Variants in CSGALNACT1 observed in about 807,000 individuals in gnomAD.
CSGALNACT1 encodes chondroitin sulfate N-acetylgalactosaminyltransferase 1.
A neutral mutation model predicts 51.0 loss-of-function variants in CSGALNACT1; 52 were observed. The observed-to-expected ratio is 1.02, with a 90% CI of 0.82 to 1.29. CSGALNACT1 has a LOEUF of 1.29. Among genes scored for constraint, CSGALNACT1 ranks in the 50% most tolerant of loss-of-function variants. CSGALNACT1 has a pLI of 0.00. For missense variants in CSGALNACT1, 935 were observed against 679.2 expected, an observed-to-expected ratio of 1.38 and a Z score of -4.19; for synonymous variants, 341 against 254.4, an observed-to-expected ratio of 1.34 and a Z score of -3.24.
chr8:19,704,900 C>T (rs181737214), intron 1 of CSGALNACT1, among the ~76,000 whole-genome samples: 1 of 152,272 alleles, frequency 6.6e-6, no homozygotes, highest in Admixed American at 6.5e-5. Context: ...AAGTTGAACT[C>T]AAACAGACTA....
chr8:19,447,293 AGCTGGGGGACTGGTATG>A (rs2062301549), intron 5 of CSGALNACT1, among the ~76,000 whole-genome samples: 1 of 152,168 alleles, frequency 6.6e-6, no homozygotes, highest in South Asian at 2.1e-4. Context: ...CCCACTACAA[AGCTGGGGGACTGGTATG>A]GCCAGGTGGA....
intron 3 of CSGALNACT1, among the ~76,000 whole-genome samples, chr8:19,532,444 T>C (rs2082953864): frequency 1.3e-5 from 2 of 152,334 alleles, no homozygotes; most frequent in Admixed American, 6.5e-5. Context: ...TCTTCTCTTT[T>C]CTATTCCCTT....
intron 1 of CSGALNACT1, among the ~76,000 whole-genome samples, chr8:19,747,371 C>T (rs1230993218): frequency 6.6e-6 from 1 of 152,172 alleles, no homozygotes; most frequent in Non-Finnish European, 1.5e-5. Flanking sequence ...CTGTTATCCA[C>T]ACTAATAATG....
At chr8:19,439,169 A>G (rs952075978) in intron 6 of CSGALNACT1, among the ~76,000 whole-genome samples, 4 of 152,240 alleles carry the variant, frequency 2.6e-5, no homozygotes, top group Admixed American at 6.5e-5. Flanking sequence ...ATTTATTTTT[A>G]TAGGGAAAAA....
At chr8:19,479,477 CATT>C (rs1396866252) in intron 4 of CSGALNACT1, among the ~76,000 whole-genome samples, 2 of 152,132 alleles carry the variant, frequency 1.3e-5, no homozygotes, top group African/African-American at 4.8e-5. Flanking sequence ...CTTTTTCTTT[CATT>C]ATTATTATCA....
chr8:19,419,286 G>A (rs1463655899), intron 7 of CSGALNACT1, among the ~76,000 whole-genome samples: 2 of 152,222 alleles, frequency 1.3e-5, no homozygotes, highest in African/African-American at 4.8e-5. Flanking sequence ...GACAGACCAT[G>A]ACCAAGCACT....
intron 4 of CSGALNACT1, among the ~76,000 whole-genome samples, chr8:19,465,980 A>G (rs1258260769): frequency 6.6e-6 from 1 of 152,242 alleles, no homozygotes; most frequent in Non-Finnish European, 1.5e-5. Flanking sequence ...TAAAGTCTGT[A>G]GCAAAACTCA....
intron 1 of CSGALNACT1, among the ~76,000 whole-genome samples, chr8:19,614,098 T>C (rs997570411): frequency 1.3e-5 from 2 of 152,250 alleles, no homozygotes; most frequent in Non-Finnish European, 2.9e-5. Flanking sequence ...CTTTTAGTTC[T>C]TTGAAATCTG....
intron 3 of CSGALNACT1, among the ~76,000 whole-genome samples, chr8:19,559,463 AATT>A (rs551749400): frequency 2.6e-5 from 4 of 152,148 alleles, no homozygotes; most frequent in African/African-American, 4.8e-5. Context: ...TTCAACATCA[AATT>A]AAAACCTAGC....
chr8:19,432,770 T>A (rs528578803), intron 6 of CSGALNACT1, among the ~76,000 whole-genome samples: 1 of 152,302 alleles, frequency 6.6e-6, no homozygotes, highest in South Asian at 2.1e-4. Flanking sequence ...CAATTTCTAT[T>A]TGGTTCTTTT....
intron 3 of CSGALNACT1, among the ~76,000 whole-genome samples, chr8:19,524,304 G>A (rs115625313): frequency 6.6e-6 from 1 of 152,050 alleles, no homozygotes. Context: ...CACTGCCACA[G>A]ATCTAATTAA....
intron 4 of CSGALNACT1, among the ~76,000 whole-genome samples, chr8:19,494,775 C>T (rs567756195): frequency 1.3e-5 from 2 of 152,070 alleles, no homozygotes; most frequent in African/African-American, 2.4e-5. Context: ...GATGAAGTCA[C>T]CTCTGACAGC....
intron 4 of CSGALNACT1, among the ~76,000 whole-genome samples, chr8:19,472,240 T>C (rs1035349812): frequency 6.6e-6 from 1 of 152,196 alleles, no homozygotes; most frequent in African/African-American, 2.4e-5. Context: ...TAGGACTTCC[T>C]CTGCAAACAC....
intron 1 of CSGALNACT1, among the ~76,000 whole-genome samples, chr8:19,669,673 C>A (rs1025578755): frequency 6.6e-6 from 1 of 152,090 alleles, no homozygotes; most frequent in Non-Finnish European, 1.5e-5. Context: ...GGGGGTTTCA[C>A]CACATTGGCC....
chr8:19,585,232 A>G (rs2046368939), intron 3 of CSGALNACT1: 3 of 152,182 alleles, frequency 2.0e-5, no homozygotes, highest in Non-Finnish European at 4.4e-5. Flanking sequence ...ACGCAGCCCC[A>G]CAAAGGTTCT....
chr8:19,689,185 G>T (rs1979680), intron 1 of CSGALNACT1, among the ~76,000 whole-genome samples: 115,379 of 152,046 alleles, frequency 0.76, 43,905 homozygotes, highest in East Asian at 0.85. Context: ...CTTCCAAGAC[G>T]ATGTCATAAA....
At chr8:19,622,512 T>G (rs111765683) in intron 1 of CSGALNACT1, among the ~76,000 whole-genome samples, 6,133 of 152,326 alleles carry the variant, frequency 0.04, 173 homozygotes, top group Non-Finnish European at 0.061. Flanking sequence ...ATATTCAAGA[T>G]TCATCACTTC....
At chr8:19,469,181 A>G (rs190980028) in intron 4 of CSGALNACT1, among the ~76,000 whole-genome samples, 22 of 152,268 alleles carry the variant, frequency 1.4e-4, no homozygotes, top group Middle Eastern at 3.4e-3. Flanking sequence ...CTTGAGGCCA[A>G]GAGTTCGAGA....
At chr8:19,513,436 C>CTCTCTCTCTATATATATA in intron 3 of CSGALNACT1, among the ~76,000 whole-genome samples, 136 of 81,914 alleles carry the variant, frequency 1.7e-3, no homozygotes, top group East Asian at 3.2e-3. Flanking sequence ...CTCTCTCTCT[C>CTCTCTCTCTATATATATA]TATATATATA....
Sources: gnomAD v4.1 joint callset for allele counts (sites outside exome capture counted in the v4.1 genomes callset) on GRCh38, gnomAD v4.1.1 for gene constraint, MANE v1.5 for transcripts, NCBI Gene and HGNC (gene_info 2026-07-23, HGNC 2026-07-21) for gene names.